DCC: variants seen among roughly 807,000 people sequenced by gnomAD.
DCC encodes the protein netrin receptor DCC.
Under a neutral mutation model 172.5 loss-of-function variants are expected in DCC, and 58 were observed. The ratio of observed to expected loss-of-function variants is 0.34; its 90% CI spans 0.27 to 0.42. The LOEUF (loss-of-function observed/expected upper bound fraction) is 0.42. Ranked by LOEUF, DCC falls within the 10% of genes least tolerant of loss-of-function variation. DCC has a pLI of 1.00. For missense variants in DCC, 1,740 were observed against 1,791.0 expected, an observed-to-expected ratio of 0.97 and a Z score of 0.51; for synonymous variants, 709 against 644.5, an observed-to-expected ratio of 1.10 and a Z score of -1.52.
intron 1 of DCC, among the ~76,000 whole-genome samples, chr18:52,727,383 A>G (rs530520687): frequency 1.3e-5 from 2 of 152,166 alleles, no homozygotes; most frequent in Non-Finnish European, 2.9e-5. Flanking sequence ...TAGGATAAGG[A>G]CTTTGAAATG....
intron 9 of DCC, among the ~76,000 whole-genome samples, chr18:53,195,090 G>T (rs1292867518): frequency 6.6e-6 from 1 of 152,102 alleles, no homozygotes; most frequent in Non-Finnish European, 1.5e-5. Flanking sequence ...CTGAGAAAAT[G>T]ATGCTCTGAG....
chr18:53,484,165 A>C (rs61650459), intron 25 of DCC, among the ~76,000 whole-genome samples: 3 of 151,914 alleles, frequency 2.0e-5, no homozygotes, highest in Admixed American at 2.0e-4. Flanking sequence ...ACTAACAACT[A>C]CCTGAGATTT....
intron 2 of DCC, among the ~76,000 whole-genome samples, chr18:52,897,786 A>G (rs1327831282): frequency 6.6e-6 from 1 of 152,192 alleles, no homozygotes; most frequent in African/African-American, 2.4e-5. Context: ...CCATAGAGCA[A>G]TTGCTCTTCA....
At chr18:52,855,889 C>G (rs563718403) in intron 2 of DCC, among the ~76,000 whole-genome samples, 1 of 150,888 alleles carries the variant, frequency 6.6e-6, no homozygotes, top group Non-Finnish European at 1.5e-5. Flanking sequence ...CCTCAGCTTC[C>G]TAAGTAGCTG....
At chr18:52,708,636 C>T (rs1223982425) in intron 1 of DCC, among the ~76,000 whole-genome samples, 1 of 152,018 alleles carries the variant, frequency 6.6e-6, no homozygotes, top group South Asian at 2.1e-4. Flanking sequence ...CCTGTCCCTG[C>T]GAAAGGCTCT....
intron 2 of DCC, among the ~76,000 whole-genome samples, chr18:52,881,005 C>T (rs988352820): frequency 6.6e-6 from 1 of 152,152 alleles, no homozygotes; most frequent in African/African-American, 2.4e-5. Context: ...CTTTTCTCCA[C>T]ATCCTCTCCA....
chr18:53,074,335 A>T (rs1326684045), intron 7 of DCC, among the ~76,000 whole-genome samples: 1 of 152,190 alleles, frequency 6.6e-6, no homozygotes, highest in Non-Finnish European at 1.5e-5. Flanking sequence ...GATGCTCGTT[A>T]ACACTACAAA....
At chr18:52,746,372 CTTG>C (rs1187692016) in intron 1 of DCC, among the ~76,000 whole-genome samples, 1 of 152,118 alleles carries the variant, frequency 6.6e-6, no homozygotes, top group African/African-American at 2.4e-5. Flanking sequence ...ATCTCAAAAT[CTTG>C]TAGGAGCTTT....
At chr18:52,959,515 G>A (rs747389235) in intron 5 of DCC, among the ~76,000 whole-genome samples, 1 of 149,030 alleles carries the variant, frequency 6.7e-6, no homozygotes, top group Non-Finnish European at 1.5e-5. Flanking sequence ...GGCTTCGATG[G>A]AACCCGTCAC....
chr18:53,407,907 C>T (rs547274742), intron 19 of DCC, among the ~76,000 whole-genome samples: 9 of 152,124 alleles, frequency 5.9e-5, no homozygotes, highest in African/African-American at 9.6e-5. Context: ...CTTTATCAAA[C>T]GATATTCATA....
rs543908573 is a variant in DCC, at chr18:53,529,116, T to C, written c.4255-1448T>C. ...GTATATAAACAGGCTTTTAGCCAAA[T>C]TGGAAACTTTTCAGTCCTCTATTAA... On this transcript the variant is annotated intron_variant, in intron 28 of 28. Coordinates refer to ENST00000442544, the MANE Select transcript of DCC (RefSeq NM_005215.4). Among the ~76,000 whole-genome samples the C allele has an allele frequency of 1.2e-4, 18 of 149,444 alleles. No homozygotes were observed. In the South Asian group the frequency reaches 2.8e-3, roughly 23 times the overall value.
chr18:53,002,927 T>C (rs887000116), intron 5 of DCC, among the ~76,000 whole-genome samples: 8 of 152,054 alleles, frequency 5.3e-5, no homozygotes, highest in African/African-American at 1.9e-4. Context: ...GCAAGTTCCT[T>C]TGTGTTTCTT....
At chr18:53,424,215 G>T (rs916174407) in intron 21 of DCC, among the ~76,000 whole-genome samples, 1 of 152,120 alleles carries the variant, frequency 6.6e-6, no homozygotes, top group African/African-American at 2.4e-5. Context: ...TTCACCAGCT[G>T]CTTGGAATTC....
At chr18:52,502,675 C>A (rs2031074123) in intron 1 of DCC, among the ~76,000 whole-genome samples, 1 of 152,148 alleles carries the variant, frequency 6.6e-6, no homozygotes, top group African/African-American at 2.4e-5. Flanking sequence ...AATTTGGAAG[C>A]TGACAAATAC....
intron 1 of DCC, among the ~76,000 whole-genome samples, chr18:52,365,998 AT>A (rs1984832060): frequency 6.6e-6 from 1 of 152,186 alleles, no homozygotes; most frequent in South Asian, 2.1e-4. Context: ...GCATCACGTT[AT>A]GGAATTGTTC....
At chr18:53,111,454 A>C (rs1054167992) in intron 7 of DCC, among the ~76,000 whole-genome samples, 6 of 151,002 alleles carry the variant, frequency 4.0e-5, no homozygotes, top group Non-Finnish European at 8.9e-5. Context: ...TTAAAAAAAA[A>C]AAAGAGAGAC....
chr18:52,897,292 GC>G (rs2039745930), intron 2 of DCC, among the ~76,000 whole-genome samples: 1 of 152,156 alleles, frequency 6.6e-6, no homozygotes, highest in African/African-American at 2.4e-5. Context: ...CCTATTTTTG[GC>G]CTAGGGCAAG....
At chr18:52,471,770 C>A (rs1411970436) in intron 1 of DCC, among the ~76,000 whole-genome samples, 1 of 152,168 alleles carries the variant, frequency 6.6e-6, no homozygotes, top group African/African-American at 2.4e-5. Flanking sequence ...CTTTTAAAAT[C>A]ATGGACAAGA....
chr18:52,494,537 C>G (rs540509808), intron 1 of DCC, among the ~76,000 whole-genome samples: 1 of 152,038 alleles, frequency 6.6e-6, no homozygotes, highest in Non-Finnish European at 1.5e-5. Context: ...CAATTAATGA[C>G]TGGGCTTTTT....
Sources: gnomAD v4.1 joint callset for allele counts (sites outside exome capture counted in the v4.1 genomes callset) on GRCh38, gnomAD v4.1.1 for gene constraint, MANE v1.5 for transcripts, NCBI Gene and HGNC (gene_info 2026-07-23, HGNC 2026-07-21) for gene names.